Variants in PPP1R3F observed in about 807,000 individuals in gnomAD.
PPP1R3F encodes protein phosphatase 1, regulatory (inhibitor) subunit 3F.
Under a neutral mutation model 24.2 loss-of-function variants are expected in PPP1R3F, and 29 were observed. The ratio of observed to expected loss-of-function variants is 1.20; its 90% CI spans 0.89 to 1.63. The LOEUF (loss-of-function observed/expected upper bound fraction) is 1.63, where lower values mean the gene tolerates loss of function less well. Ranked by LOEUF, PPP1R3F falls within the 40% of genes most tolerant of loss-of-function variation. The probability of loss-of-function intolerance (pLI) is 0.00; values close to 1 mark genes in which losing one functional copy is unlikely to be tolerated. For missense variants in PPP1R3F, 823 were observed against 729.3 expected, an observed-to-expected ratio of 1.13 and a Z score of -1.48; for synonymous variants, 363 against 340.1, an observed-to-expected ratio of 1.07 and a Z score of -0.74.
chrX:49,269,901 T>C lies in PPP1R3F; in HGVS notation c.32T>C (p.Leu11Pro). 1 of 905,151 alleles carries C rather than the reference T, an allele frequency of 1.1e-6. No homozygotes were observed. The highest frequency in any genetic ancestry group is 1.4e-6 in the Non-Finnish European group (1 of 735,143). The allele number at this position is 905,151 out of a possible 1,213,427, so 74.6% of individuals were successfully genotyped here. MARTAPVEPP[L>P]RHSAPPSPAA... ...CGTACGGCCCCTGTGGAGCCCCCGC[T>C]GCGGCATTCCGCGCCCCCCTCGCCG... The change falls in exon 1 of 4, where the codon CTG becomes CCG. Residue 11 changes from leucine (L) to proline (P), a missense_variant. Physicochemically the swap from Leu to Pro is moderately conservative, Grantham distance 98 (BLOSUM62 -3). Transcript: ENST00000055335.
intron 1 of PPP1R3F, among the ~76,000 whole-genome samples, chrX:49,280,098 G>A (rs1409639150): frequency 1.8e-5 from 2 of 111,772 alleles, no homozygotes; most frequent in African/African-American, 6.5e-5. Flanking sequence ...AGGAGGTGAA[G>A]CGACCTGCCA....
rs782402335 is a variant in PPP1R3F at position 49,285,896 on chromosome X, A to G, written c.1206A>G (p.Pro402=). Residue 402 remains proline, a synonymous_variant, in exon 4 of 4, where the codon CCA becomes CCG. Transcript: ENST00000055335. ...AEEGDVPRSS[P]PVAFTEVLQA... is the part of the protein sequence containing the mutation. Reference sequence around the variant, plus strand: ...AAGGTGATGTCCCCAGAAGCAGTCCACCTGTGGCTTTTACAGAGGTCCTCC... The same window carrying G: ...AAGGTGATGTCCCCAGAAGCAGTCCGCCTGTGGCTTTTACAGAGGTCCTCC... The G allele has an allele frequency of 4.2e-6, 5 of 1,200,438 alleles. No individual in the cohort carries two copies. The Admixed American group carries it at 1.1e-4, about 27-fold the overall frequency.
intron 1 of PPP1R3F, among the ~76,000 whole-genome samples, chrX:49,276,341 G>A (rs2066212805): frequency 8.9e-6 from 1 of 112,489 alleles, no homozygotes; most frequent in Non-Finnish European, 1.9e-5. Context: ...CACTGATGTA[G>A]GTATTATTAT....
rs782666710 is a variant in PPP1R3F, at chrX:49,299,757, A to G, written c.393-1594A>G. ...CAGTCTGGCTACAGCGGGTTTGCCA[A>G]GCGGCCGTGGGCTCTGCCCAGTTTG... On this transcript the variant is annotated intron_variant, in intron 3 of 3. Transcript: ENST00000471261. Among the ~76,000 whole-genome samples the G allele has an allele frequency of 1.4e-4, 16 of 111,863 alleles. No individual in the cohort carries two copies. In the South Asian group the frequency reaches 5.2e-3, roughly 36 times the overall value.
chrX:49,278,837 G>T (rs2066230158), intron 1 of PPP1R3F, among the ~76,000 whole-genome samples: 1 of 112,276 alleles, frequency 8.9e-6, no homozygotes, highest in African/African-American at 3.2e-5. Context: ...AGGAGGGAGG[G>T]ATCTTGTCTA....
intron 1 of PPP1R3F, among the ~76,000 whole-genome samples, chrX:49,272,520 G>A (rs2066186564): frequency 8.9e-6 from 1 of 112,576 alleles, no homozygotes; most frequent in South Asian, 3.6e-4. Context: ...ACAGGTGTTA[G>A]CTAGTGTCAG....
chrX:49,293,221 GTCA>G (rs1569531162), intron 3 of PPP1R3F, among the ~76,000 whole-genome samples: 1 of 112,307 alleles, frequency 8.9e-6, no homozygotes, highest in Non-Finnish European at 1.9e-5. Flanking sequence ...ACAGCCATGT[GTCA>G]TCATCACAAC....
In PPP1R3F at chrX:49,269,874, C is replaced by T; in HGVS notation, c.5C>T (p.Ala2Val). The T allele has an allele frequency of 1.1e-6, 1 of 895,176 alleles. No individual in the cohort carries two copies. Among genetic ancestry groups the T allele is most frequent in the Non-Finnish European group, 1.4e-6 (1 of 728,264 alleles). The allele number at this position is 895,176 out of a possible 1,213,427, so 73.8% of individuals were successfully genotyped here. The part of the protein sequence containing the change: M[A>V]RTAPVEPPLR... The stretch of plus-strand genomic sequence containing the variant: ...GGTGCCGCCGCCGCCGCCGATATGG[C>T]GCGTACGGCCCCTGTGGAGCCCCCG... Residue 2 changes from alanine to valine, a missense_variant, in exon 1 of 4, where the codon GCG (alanine) becomes GTG (valine). Coordinates refer to ENST00000055335, the MANE Select transcript of PPP1R3F (RefSeq NM_033215.5).
At chrX:49,282,178 G>A (rs1439122423) in intron 3 of PPP1R3F, 115 bp downstream of exon 3, 20 of 518,818 alleles carry the variant, frequency 3.9e-5, no homozygotes, top group Non-Finnish European at 6.1e-5. Context: ...GGGTTGGAGG[G>A]AGGGCACAAA....
intron 1 of PPP1R3F, among the ~76,000 whole-genome samples, chrX:49,272,403 C>G (rs2066185898): frequency 8.9e-6 from 1 of 112,779 alleles, no homozygotes; most frequent in Non-Finnish European, 1.9e-5. Flanking sequence ...ACGCATTTAA[C>G]TACACCATGC....
intron 1 of PPP1R3F, among the ~76,000 whole-genome samples, chrX:49,279,905 C>T (rs1557120450): frequency 8.9e-6 from 1 of 112,491 alleles, no homozygotes; most frequent in East Asian, 2.8e-4. Flanking sequence ...GAAATGCACT[C>T]GGCTTATGCC....
chrX:49,285,716 A>G lies in PPP1R3F; in HGVS notation c.1144-118A>G, dbSNP rs781894718. Reference sequence around the variant, plus strand: ...CGCTTTAAGGCATTTTTATATAGAAACCCCTGTGGGGCTGGCTGTGGGCTG... The same window carrying G: ...CGCTTTAAGGCATTTTTATATAGAAGCCCCTGTGGGGCTGGCTGTGGGCTG... On this transcript the variant is annotated intron_variant, in intron 3 of 3. Coordinates refer to ENST00000055335, the MANE Select transcript of PPP1R3F (RefSeq NM_033215.5). 5.3e-6 allele frequency: 4 copies of G among 759,427 alleles called. No homozygotes were observed. In the South Asian group the frequency reaches 1.6e-4, roughly 31 times the overall value. 62.6% of individuals were successfully genotyped at this position (759,427 alleles called of 1,213,427 possible). A position where few individuals can be genotyped will look rare whatever the true frequency, so the allele number is the denominator to read the frequency against.
intron 3 of PPP1R3F, among the ~76,000 whole-genome samples, chrX:49,293,147 CCCAAGATGCT>C (rs1179879509): frequency 2.7e-5 from 3 of 111,506 alleles, no homozygotes; most frequent in Non-Finnish European, 5.7e-5. Flanking sequence ...CACGGGGAGC[CCCAAGATGCT>C]CCAAGAGCTC....
At chrX:49,293,624 C>T (rs2066315101) in intron 3 of PPP1R3F, among the ~76,000 whole-genome samples, 1 of 112,259 alleles carries the variant, frequency 8.9e-6, no homozygotes, top group South Asian at 3.7e-4. Context: ...ATGATATATG[C>T]TTTTCATATA....
In PPP1R3F at chrX:49,270,632, G is replaced by C; in HGVS notation, c.763G>C (p.Asp255His). 8.3e-7 allele frequency: 1 copy of C among 1,207,386 alleles called. No homozygotes were observed. Among genetic ancestry groups the C allele is most frequent in the Non-Finnish European group, 1.1e-6 (1 of 894,643 alleles). ...FQLPFAEGAG[D>H]GARLDFVVRY... ...GCTGCCCTTTGCTGAGGGCGCGGGC[G>C]ATGGGGCGCGCCTCGACTTCGTGGT... The change falls in exon 1 of 4, where the codon GAT becomes CAT. Residue 255 changes from aspartate to histidine, a missense_variant. By Grantham distance (81) the Asp-to-His change is moderately conservative. Transcript: ENST00000055335.
At chrX:49,289,469 T>C (rs1277184762), downstream of PPP1R3F, among the ~76,000 whole-genome samples, 1 of 111,452 alleles carries the variant, frequency 9.0e-6, no homozygotes, top group Non-Finnish European at 1.9e-5. Flanking sequence ...TATTGTATAA[T>C]GAGAATGGAA....
rs781783792 is a variant in PPP1R3F, at chrX:49,270,199, C to T, written c.330C>T (p.Gly110=). Residue 110 remains glycine, a synonymous_variant, in exon 1 of 4, where the codon GGC becomes GGT. Transcript: ENST00000055335. ...CACCGCTGTGCCCCGTCCCCGCTGG[C>T]GGGGGGTTTTACCTGGTCCCCACAT... ...EPSPLCPVPA[G]GGFYLVPTFS... 33 of 1,092,616 alleles carry T rather than the reference C, an allele frequency of 3.0e-5. No homozygotes were observed. Among genetic ancestry groups the T allele is most frequent in the African/African-American group, 3.9e-5 (2 of 51,384 alleles). 90.0% of individuals were successfully genotyped at this position (1,092,616 alleles called of 1,213,427 possible).
At position 49,275,907 on chromosome X, in the gene PPP1R3F, A is replaced by G. The variant is rs1557119959; in HGVS notation, c.1004+5034A>G. ...GCCCACTGTCTTTCAGTGCACCTAT[A>G]ACTGAAGGGATGGGGATCCAACCTG... On this transcript the variant is annotated intron_variant, in intron 1 of 3. Coordinates refer to ENST00000055335, the MANE Select transcript of PPP1R3F (RefSeq NM_033215.5). The G allele has an allele frequency of 2.7e-5, 3 of 112,257 alleles. No homozygotes were observed. The Admixed American group carries it at 2.8e-4, about 11-fold the overall frequency. 9.3% of individuals were successfully genotyped at this position (112,257 alleles called of 1,213,427 possible).
In PPP1R3F at chrX:49,299,666, C is replaced by A. The variant is rs782631521; in HGVS notation, c.393-1685C>A. ...GAAAGATGGGAGTTTTATCTATAAG[C>A]CCCTGCCTGGGGCTGCTGCCTTTCT... On this transcript the variant is annotated intron_variant, in intron 3 of 3. Coordinates refer to the PPP1R3F transcript ENST00000471261. 3.6e-5 allele frequency among the ~76,000 whole-genome samples: 4 copies of A among 112,133 alleles called. No individual in the cohort carries two copies. The East Asian group carries it at 1.1e-3, about 32-fold the overall frequency.
Sources: gnomAD v4.1 joint callset for allele counts (sites outside exome capture counted in the v4.1 genomes callset) on GRCh38, gnomAD v4.1.1 for gene constraint, MANE v1.5 for transcripts, NCBI Gene and HGNC (gene_info 2026-07-23, HGNC 2026-07-21) for gene names.